TPP2: variants seen among roughly 807,000 people sequenced by gnomAD.
TPP2 encodes the protein tripeptidyl-peptidase 2.
TPP2 carries 34 observed loss-of-function variants against 155.9 expected under a neutral mutation model. The ratio of observed to expected loss-of-function variants is 0.22; its 90% CI spans 0.17 to 0.29. TPP2 has a LOEUF of 0.29. Among genes scored for constraint, TPP2 ranks in the 10% least tolerant of loss-of-function variants. The pLI, the probability that TPP2 is intolerant of heterozygous loss-of-function variation, is 1.00. For missense variants in TPP2, 1,028 were observed against 1,522.3 expected (o/e 0.68, Z 5.40); for synonymous variants, 510 against 529.4 (o/e 0.96, Z 0.50).
intron 5 of TPP2, 151 bp from the exon 6 acceptor site, chr13:102,622,726 C>CT: frequency 1.2e-6 from 1 of 868,964 alleles, no homozygotes; most frequent in Non-Finnish European, 1.7e-6. Context: ...ACTGCCCACT[C>CT]TAAGAAACAG....
intron 6 of TPP2, among the ~76,000 whole-genome samples, chr13:102,624,736 T>C (rs948182145): frequency 6.6e-6 from 1 of 152,180 alleles, no homozygotes. Flanking sequence ...CAGCTTCCCA[T>C]TGATGGACGT....
At chr13:102,633,455 T>C (rs902697905) in intron 10 of TPP2, among the ~76,000 whole-genome samples, 3 of 152,244 alleles carry the variant, frequency 2.0e-5, no homozygotes, top group African/African-American at 7.2e-5. Flanking sequence ...TTGCTATGTC[T>C]AGTTAAACAT....
chr13:102,623,162 G>A (rs2139463239), intron 6 of TPP2, 122 bp downstream of exon 6: 1 of 1,069,842 alleles, frequency 9.3e-7, no homozygotes, highest in South Asian at 1.7e-5. Context: ...AAAGGACTAG[G>A]TCCAGAATCA....
At chr13:102,663,780 T>C in intron 26 of TPP2, 36 bp downstream of exon 26, 1 of 1,483,882 alleles carries the variant, frequency 6.7e-7, no homozygotes, top group Non-Finnish European at 9.1e-7. Flanking sequence ...CTTATTTTGT[T>C]TGTAATTATA....
intron 29 of TPP2, among the ~76,000 whole-genome samples, chr13:102,677,215 G>T (rs931061817): frequency 3.3e-5 from 5 of 152,140 alleles, no homozygotes; most frequent in African/African-American, 4.8e-5. Flanking sequence ...TCTTTGACTA[G>T]ATTAAGAGAA....
rs528344949 is a variant in TPP2, at chr13:102,601,745, T to G, written c.166-3048T>G. Among the ~76,000 whole-genome samples the G allele has an allele frequency of 2.0e-5, 3 of 152,304 alleles. No individual in the cohort carries two copies. The East Asian group carries it at 5.8e-4, about 29-fold the overall frequency. On this transcript the variant is annotated intron_variant, in intron 1 of 29. Coordinates refer to ENST00000376052, the MANE Select transcript of TPP2 (RefSeq NM_001330588.2). ...ACTTCTCCCAAAACACCATGGCAAA[T>G]CCTCAGGGGGTTTGCCTTTTTAAAA...
rs142623109 is a variant in TPP2 at position 102,647,310 on chromosome 13, G to A, written c.2594G>A (p.Arg865Lys). ...QLWIIFDQNK[R>K]QMGSGDAYPH... The stretch of plus-strand genomic sequence containing the variant: ...TGGATTATTTTTGACCAGAACAAAA[G>A]ACAGATGGGTTCAGGCGATGCCTAT... The change falls in exon 21 of 30, where the codon AGA (arginine) becomes AAA (lysine). Residue 865 changes from arginine (R) to lysine (K), a missense_variant. Physicochemically the swap from Arg to Lys is conservative, Grantham distance 26. This residue lies in a region of TPP2 where 179 missense variants were observed against 274.7 expected (regional missense o/e 0.65). Coordinates refer to ENST00000376052, the MANE Select transcript of TPP2 (RefSeq NM_001330588.2). 7.4e-6 allele frequency: 12 copies of A among 1,613,730 alleles called. No individual in the cohort carries two copies. The highest frequency in any genetic ancestry group is 1.0e-5 in the Non-Finnish European group (12 of 1,179,916).
chr13:102,665,002 A>G, intron 27 of TPP2, 77 bp downstream of exon 27: 1 of 1,543,102 alleles, frequency 6.5e-7, no homozygotes, highest in Non-Finnish European at 8.8e-7. Flanking sequence ...CTAATATTAT[A>G]GAGGATATTG....
chr13:102,661,731 A>G (rs1884245103), intron 25 of TPP2, among the ~76,000 whole-genome samples: 1 of 152,164 alleles, frequency 6.6e-6, no homozygotes. Flanking sequence ...ATGAAATACA[A>G]CTTCACACTT....
Position 102,606,768 on chromosome 13 carries a change from G to A in TPP2, c.294+1847G>A, listed in dbSNP as rs565882582. 1.1e-4 allele frequency among the ~76,000 whole-genome samples: 16 copies of A among 152,248 alleles called. 1 individual carries two copies. Among genetic ancestry groups the A allele is most frequent in the African/African-American group, 3.4e-4 (14 of 41,538 alleles). ...CTGCCTTCACTTAGGGGAGGGACGT[G>A]GGTCTTCTTAGAAATCTGCCTGTCA... On this transcript the variant is annotated intron_variant, in intron 2 of 29. Coordinates refer to ENST00000376052, the MANE Select transcript of TPP2 (RefSeq NM_001330588.2).
intron 6 of TPP2, among the ~76,000 whole-genome samples, chr13:102,624,787 T>A (rs1176678503): frequency 6.6e-6 from 1 of 151,986 alleles, no homozygotes; most frequent in Non-Finnish European, 1.5e-5. Flanking sequence ...TTTTTATTTA[T>A]TTTTGGGCTG....
At chr13:102,640,986 C>T (rs1882730571) in intron 16 of TPP2, among the ~76,000 whole-genome samples, 2 of 152,136 alleles carry the variant, frequency 1.3e-5, no homozygotes, top group African/African-American at 4.8e-5. Flanking sequence ...TTAAACAATG[C>T]AGCTGTTGCT....
chr13:102,598,038 C>T (rs1292302745), intron 1 of TPP2, among the ~76,000 whole-genome samples: 1 of 151,676 alleles, frequency 6.6e-6, no homozygotes, highest in East Asian at 1.9e-4. Context: ...AGTTTTTTGC[C>T]TTAGGCAACT....
chr13:102,677,232 C>G (rs564928562), intron 29 of TPP2, among the ~76,000 whole-genome samples: 1 of 152,174 alleles, frequency 6.6e-6, no homozygotes, highest in Non-Finnish European at 1.5e-5. Context: ...AGAACTCTTT[C>G]TGGAGCCAGG....
chr13:102,648,117 C>A (rs1189455811), intron 21 of TPP2, among the ~76,000 whole-genome samples: 1 of 152,196 alleles, frequency 6.6e-6, no homozygotes, highest in Non-Finnish European at 1.5e-5. Flanking sequence ...TACAGCATCT[C>A]TTCCTCTTGA....
chr13:102,645,781 A>G (rs940717852), intron 19 of TPP2, among the ~76,000 whole-genome samples: 8 of 152,242 alleles, frequency 5.3e-5, no homozygotes, highest in African/African-American at 1.9e-4. Context: ...TTTCTCCTTT[A>G]TAAAATCTGT....
chr13:102,650,647 A>G (rs1236836784), intron 23 of TPP2, among the ~76,000 whole-genome samples: 1 of 152,220 alleles, frequency 6.6e-6, no homozygotes, highest in Non-Finnish European at 1.5e-5. Context: ...TTTCGTTCAG[A>G]TGACAGATGA....
chr13:102,646,314 A>C lies in TPP2; in HGVS notation c.2414A>C (p.Lys805Thr), dbSNP rs1566353743. 6.2e-7 allele frequency: 1 copy of C among 1,612,618 alleles called. No homozygotes were observed. Reference sequence around the variant, plus strand: ...TACAGCCCAGTGAGTGCAAAAACAAAACCTTTAGGATCAAGAGATGTTTTG... The same window carrying C: ...TACAGCCCAGTGAGTGCAAAAACAACACCTTTAGGATCAAGAGATGTTTTG... ...QTLRPVSAKTKPLGSRDVLPN... is the reference protein window; with the variant it reads ...QTLRPVSAKTTPLGSRDVLPN... Residue 805 changes from lysine (K) to threonine (T), a missense_variant, in exon 20 of 30, where the codon AAA (lysine) becomes ACA (threonine). Coordinates refer to ENST00000376052, the MANE Select transcript of TPP2 (RefSeq NM_001330588.2).
chr13:102,616,281 T>C (rs2139444033), intron 3 of TPP2, 115 bp from the exon 4 acceptor site: 2 of 794,670 alleles, frequency 2.5e-6, no homozygotes, highest in South Asian at 2.3e-5. Context: ...AAAACCTCTC[T>C]ATGAGAATTG....
Sources: allele counts gnomAD v4.1 joint callset (sites outside exome capture counted in the v4.1 genomes callset), GRCh38; gene constraint gnomAD v4.1.1; regional missense constraint gnomAD v4.1.1; transcripts MANE v1.5; gene names NCBI Gene and HGNC (gene_info 2026-07-23, HGNC 2026-07-21).